Variants in FAM184A observed in about 807,000 individuals in gnomAD.
FAM184A encodes the protein protein FAM184A.
In FAM184A, 99 loss-of-function variants were observed where a neutral mutation model predicts 143.8. The ratio of observed to expected loss-of-function variants is 0.69; its 90% confidence interval spans 0.58 to 0.81. The LOEUF is 0.81. Ranked by LOEUF, FAM184A falls within the 40% of genes least tolerant of loss-of-function variation. FAM184A has a pLI of 0.00. For synonymous variants in FAM184A, 427 were observed against 446.4 expected (o/e 0.96, Z 0.55); for missense variants, 1,217 against 1,310.5 (o/e 0.93, Z 1.10).
upstream of FAM184A, among the ~76,000 whole-genome samples, chr6:119,082,858 A>T (rs184193248): frequency 6.6e-6 from 1 of 152,254 alleles, no homozygotes; most frequent in Admixed American, 6.5e-5. Flanking sequence ...TCACAGCACC[A>T]CTAGGCAGTA....
intron 1 of FAM184A, among the ~76,000 whole-genome samples, chr6:119,086,860 G>T (rs181154032): frequency 6.6e-6 from 1 of 152,124 alleles, no homozygotes; most frequent in Non-Finnish European, 1.5e-5. Context: ...CACTTATTCT[G>T]GTGAGAGATG....
intron 1 of FAM184A, among the ~76,000 whole-genome samples, chr6:119,111,830 A>G (rs1788942102): frequency 6.6e-6 from 1 of 152,204 alleles, no homozygotes; most frequent in Non-Finnish European, 1.5e-5. Flanking sequence ...TCTCTATAAA[A>G]TCCATTTCCT....
intron 1 of FAM184A, among the ~76,000 whole-genome samples, chr6:119,125,591 G>A (rs762317453): frequency 1.2e-4 from 18 of 152,116 alleles, no homozygotes; most frequent in Non-Finnish European, 2.5e-4. Flanking sequence ...TTGAAGAGTT[G>A]GTTATAAACC....
chr6:118,996,425 T>C (rs76132168), intron 9 of FAM184A, among the ~76,000 whole-genome samples: 39 of 152,314 alleles, frequency 2.6e-4, no homozygotes, highest in African/African-American at 8.9e-4. Context: ...CATTCCACAT[T>C]TTCTAAGAAA....
At chr6:118,992,602 C>T (rs1175107247) in intron 9 of FAM184A, among the ~76,000 whole-genome samples, 2 of 152,190 alleles carry the variant, frequency 1.3e-5, no homozygotes, top group African/African-American at 4.8e-5. Context: ...GCACCCTGAT[C>T]TTGGACTTCC....
At chr6:119,023,927 T>C (rs2114690277) in intron 2 of FAM184A, 32 bp downstream of exon 2, 1 of 1,504,090 alleles carries the variant, frequency 6.6e-7, no homozygotes, top group East Asian at 2.3e-5. Context: ...AGAAAAAAAA[T>C]CCATGTGTTG....
At chr6:119,024,959 TG>T (rs1785578535) in intron 1 of FAM184A, 146 bp from the exon 2 acceptor site, 5 of 795,764 alleles carry the variant, frequency 6.3e-6, no homozygotes, top group Middle Eastern at 3.8e-4. Context: ...TTGATGCAAT[TG>T]TTTTTTTACT....
intron 16 of FAM184A, 132 bp from the exon 17 acceptor site, chr6:118,962,095 C>G (rs1783346214): frequency 6.4e-6 from 5 of 781,150 alleles, no homozygotes; most frequent in Non-Finnish European, 8.4e-6. Flanking sequence ...GTTAATTAAC[C>G]AGTGTTACCC....
chr6:118,963,378 C>T (rs766848373), intron 16 of FAM184A: 2 of 151,998 alleles, frequency 1.3e-5, no homozygotes, highest in Non-Finnish European at 2.9e-5. Context: ...AATCTTATTT[C>T]ACCCTAAATT....
Position 118,960,189 on chromosome 6 carries a change from A to G in FAM184A, c.3342-5T>C. The G allele has an allele frequency of 2.5e-6, 4 of 1,609,960 alleles. No individual in the cohort carries two copies. The highest frequency in any genetic ancestry group is 1.7e-5 in the Admixed American group (1 of 58,868). ...GAAGCTTCACTCTGAGCAGGACTGA[A>G]TTCATAAAAAGAGAGACATGTAACC... On this transcript the variant is annotated splice_polypyrimidine_tract_variant and splice_region_variant and intron_variant, in intron 17 of 17. Coordinates refer to ENST00000338891, the MANE Select transcript of FAM184A (RefSeq NM_024581.6).
intron 1 of FAM184A, among the ~76,000 whole-genome samples, chr6:119,070,783 T>C (rs1008198728): frequency 2.0e-5 from 3 of 152,050 alleles, no homozygotes; most frequent in Non-Finnish European, 4.4e-5. Context: ...CATTCTGAAG[T>C]GGGCTGCAGG....
At chr6:119,020,419 G>T (rs2066409) in intron 3 of FAM184A, among the ~76,000 whole-genome samples, 142,160 of 152,052 alleles carry the variant, frequency 0.93, 66,605 homozygotes, top group Non-Finnish European at 0.96. Flanking sequence ...CGTTTTACTG[G>T]TTTTTTTTGT....
Position 119,011,355 on chromosome 6 carries a change from T to C in FAM184A, c.1607A>G (p.Asn536Ser). ...CTTGTCTTCCAGTACTTCCTTTAGG[T>C]TTTCTAGCTCTTGTTGAAGCTGATT... Reference protein sequence around the residue: ...DKNQLQQELENLKEVLEDKLN... With the variant: ...DKNQLQQELESLKEVLEDKLN... The change falls in exon 6 of 18, where the codon AAC becomes AGC. Residue 536 changes from asparagine to serine, a missense_variant. Transcript: ENST00000338891. 6.2e-7 allele frequency: 1 copy of C among 1,607,098 alleles called. No homozygotes were observed. Among genetic ancestry groups the C allele is most frequent in the Non-Finnish European group, 8.5e-7 (1 of 1,176,770 alleles).
intron 1 of FAM184A, among the ~76,000 whole-genome samples, chr6:119,057,427 T>G (rs1787024861): frequency 6.6e-6 from 1 of 152,186 alleles, no homozygotes; most frequent in South Asian, 2.1e-4. Context: ...AATTTAGAGA[T>G]TCTACATTTG....
At chr6:119,013,313 G>A (rs1027383074) in intron 5 of FAM184A, among the ~76,000 whole-genome samples, 6 of 152,138 alleles carry the variant, frequency 3.9e-5, no homozygotes, top group African/African-American at 1.4e-4. Flanking sequence ...TAAAAATGAC[G>A]TTGATGAAAG....
At chr6:119,052,958 T>C (rs1047809501) in intron 1 of FAM184A, among the ~76,000 whole-genome samples, 1 of 152,206 alleles carries the variant, frequency 6.6e-6, no homozygotes, top group Non-Finnish European at 1.5e-5. Flanking sequence ...GGGATTTAAG[T>C]AGAGGAATAA....
intron 1 of FAM184A, among the ~76,000 whole-genome samples, chr6:119,031,939 G>A (rs934489981): frequency 6.6e-6 from 1 of 152,022 alleles, no homozygotes; most frequent in African/African-American, 2.4e-5. Context: ...TTTTACAGGA[G>A]GAAAAAGTGA....
At chr6:119,003,133 C>A in intron 8 of FAM184A, 84 bp from the exon 9 acceptor site, 1 of 1,202,144 alleles carries the variant, frequency 8.3e-7, no homozygotes, top group Non-Finnish European at 1.1e-6. Context: ...TTTTTAAGCG[C>A]TTAATTAATC....
chr6:118,986,526 G>C (rs1784201961), intron 9 of FAM184A, among the ~76,000 whole-genome samples: 1 of 152,136 alleles, frequency 6.6e-6, no homozygotes, highest in Non-Finnish European at 1.5e-5. Flanking sequence ...GTTTTGCTGT[G>C]GATGATGACA....
Sources: gnomAD v4.1 joint callset for allele counts (sites outside exome capture counted in the v4.1 genomes callset) on GRCh38, gnomAD v4.1.1 for gene constraint, MANE v1.5 for transcripts, NCBI Gene and HGNC (gene_info 2026-07-23, HGNC 2026-07-21) for gene names.